The following GNAI1 variants were observed in gnomAD, a reference collection of about 807,000 sequenced individuals.
GNAI1 encodes the protein G protein subunit alpha i1, also known as guanine nucleotide-binding protein G(i) subunit alpha-1.
GNAI1 carries 11 observed loss-of-function variants against 38.9 expected under a neutral mutation model. The ratio of observed to expected loss-of-function variants is 0.28; its 90% CI spans 0.18 to 0.47. The LOEUF is 0.47. GNAI1 is among the 20% of genes least tolerant of loss of function. GNAI1 has a pLI of 0.99. For synonymous variants in GNAI1, 166 were observed against 145.1 expected (o/e 1.14, Z -1.04); for missense variants, 317 against 436.9 (o/e 0.73, Z 2.45).
intron 1 of GNAI1, among the ~76,000 whole-genome samples, chr7:80,170,946 C>G (rs1788089756): frequency 1.3e-5 from 2 of 152,126 alleles, no homozygotes. Flanking sequence ...TTTGACATCA[C>G]TAAAATCAGT....
chr7:80,177,156 G>A (rs1013086733), intron 1 of GNAI1, among the ~76,000 whole-genome samples: 33 of 145,944 alleles, frequency 2.3e-4, no homozygotes, highest in African/African-American at 6.6e-4. Flanking sequence ...TCTGCCTCCC[G>A]AGTAGCTGGG....
In GNAI1 at chr7:80,218,074, C is replaced by T. The variant is rs1433677520; in HGVS notation, c.*581C>T. The T allele has an allele frequency of 2.0e-5, 3 of 152,310 alleles. No individual in the cohort carries two copies. The highest frequency in any genetic ancestry group is 4.8e-5 in the African/African-American group (2 of 41,380). The allele number at this position is 152,310 out of a possible 1,614,324, so 9.4% of individuals were successfully genotyped here. ...GACTATTTTAATAACATGATTTGTT[C>T]TTTAAATTTTATGTGTTTTATTGAA... is the stretch of plus-strand genomic sequence containing the variant. On this transcript the variant is annotated 3_prime_UTR_variant, in exon 8 of 8. Transcript: ENST00000649796.
intron 5 of GNAI1, among the ~76,000 whole-genome samples, chr7:80,210,693 T>A (rs914699862): frequency 6.6e-6 from 1 of 151,846 alleles, no homozygotes; most frequent in Non-Finnish European, 1.5e-5. Flanking sequence ...TCATGTGTGT[T>A]AATGTCTCGT....
intron 1 of GNAI1, among the ~76,000 whole-genome samples, chr7:80,161,278 A>G (rs563755708): frequency 6.6e-6 from 1 of 152,350 alleles, no homozygotes; most frequent in South Asian, 2.1e-4. Flanking sequence ...CTGGTCAGGT[A>G]CATGAGCATC....
intron 1 of GNAI1, among the ~76,000 whole-genome samples, chr7:80,162,472 C>A (rs963545494): frequency 6.6e-6 from 1 of 152,170 alleles, no homozygotes; most frequent in Non-Finnish European, 1.5e-5. Flanking sequence ...ACTGAAGGTA[C>A]ACAGCTGTAT....
intron 1 of GNAI1, among the ~76,000 whole-genome samples, chr7:80,138,571 TATC>T (rs1486707319): frequency 6.6e-6 from 1 of 152,226 alleles, no homozygotes; most frequent in East Asian, 1.9e-4. Flanking sequence ...TGTTTTAATT[TATC>T]ATCCTTTTAA....
At chr7:80,140,501 G>T (rs1787507913) in intron 1 of GNAI1, among the ~76,000 whole-genome samples, 1 of 152,162 alleles carries the variant, frequency 6.6e-6, no homozygotes, top group Admixed American at 6.5e-5. Flanking sequence ...ATTCACACAG[G>T]AAGACCTGAG....
chr7:80,159,980 A>AC (rs1375147052), intron 1 of GNAI1, among the ~76,000 whole-genome samples: 1 of 152,084 alleles, frequency 6.6e-6, no homozygotes, highest in African/African-American at 2.4e-5. Flanking sequence ...AGTAACGTTG[A>AC]CCTCTCTGAG....
intron 3 of GNAI1, among the ~76,000 whole-genome samples, chr7:80,194,384 A>G (rs1788532869): frequency 6.6e-6 from 1 of 152,148 alleles, no homozygotes; most frequent in African/African-American, 2.4e-5. Context: ...CTCTTTGTCC[A>G]TTAATACAAA....
At chr7:80,171,707 T>G (rs1056036975) in intron 1 of GNAI1, among the ~76,000 whole-genome samples, 5 of 152,238 alleles carry the variant, frequency 3.3e-5, no homozygotes, top group African/African-American at 1.2e-4. Context: ...CCAAATTTGC[T>G]TCTGTATAAC....
At chr7:80,149,330 T>C (rs1787685310) in intron 1 of GNAI1, among the ~76,000 whole-genome samples, 1 of 152,122 alleles carries the variant, frequency 6.6e-6, no homozygotes, top group African/African-American at 2.4e-5. Context: ...ATTTTATGCA[T>C]GTATCATTGC....
rs1283318748 is a variant in GNAI1 at position 80,222,411 on chromosome 7, G to C, written c.*4918G>C. On this transcript the variant is annotated 3_prime_UTR_variant, in exon 8 of 8. Transcript: ENST00000649796. ...TTTTTTTTTTTTTTTTCCTGAGACA[G>C]AGTTTCGTTCTTGTTTCCCAGGCTG... Among the ~76,000 whole-genome samples the C allele has an allele frequency of 1.6e-5, 2 of 125,338 alleles. No individual in the cohort carries two copies. The highest frequency in any genetic ancestry group is 5.9e-5 in the African/African-American group (2 of 33,778). 82.2% of individuals were successfully genotyped at this position (125,338 alleles called of 152,430 possible).
rs940516516 is a variant in GNAI1, at chr7:80,202,726, G to A, written c.462-978G>A. On this transcript the variant is annotated intron_variant, in intron 4 of 7. Coordinates refer to ENST00000649796, the MANE Select transcript of GNAI1 (RefSeq NM_002069.6). ...TTCTAAGTTATCAGTCACCTTATAG[G>A]TCTCGTAATAAAAACACTGCGGTGA... Among the ~76,000 whole-genome samples, 4 of 152,184 alleles carry A rather than the reference G, an allele frequency of 2.6e-5. No homozygotes were observed. The East Asian group carries it at 7.7e-4, about 29-fold the overall frequency.
rs143091394 is a variant in GNAI1 at position 80,216,200 on chromosome 7, G to A, written c.875-1103G>A. ...ATACATACGTACACACACACCCTCA[G>A]CATAAGTGCGTGTTTAAAGGTTAAT... On this transcript the variant is annotated intron_variant, in intron 7 of 7. Coordinates refer to ENST00000649796, the MANE Select transcript of GNAI1 (RefSeq NM_002069.6). Among the ~76,000 whole-genome samples the A allele has an allele frequency of 3.5e-3, 521 of 150,650 alleles. 6 individuals carry two copies. The highest frequency in any genetic ancestry group is 0.012 in the African/African-American group (502 of 41,014).
chr7:80,145,391 T>C (rs1321827969), intron 1 of GNAI1, among the ~76,000 whole-genome samples: 1 of 152,208 alleles, frequency 6.6e-6, no homozygotes, highest in East Asian at 1.9e-4. Context: ...CCGTGTACTC[T>C]TCTCCTTCTG....
Position 80,224,468 on chromosome 7 carries a change from A to G in GNAI1, c.*6975A>G, listed in dbSNP as rs990980689. Among the ~76,000 whole-genome samples, 2 of 152,178 alleles carry G rather than the reference A, an allele frequency of 1.3e-5. No homozygotes were observed. Among genetic ancestry groups the G allele is most frequent in the Non-Finnish European group, 2.9e-5 (2 of 68,034 alleles). On this transcript the variant is annotated 3_prime_UTR_variant, in exon 8 of 8. Transcript: ENST00000649796. ...AAATCCAGTGTCATTTCTTAGCCAT[A>G]TCTTCAAAATCCAGTGTCATTTCTT...
At chr7:80,162,029 CCA>C (rs1367548094) in intron 1 of GNAI1, among the ~76,000 whole-genome samples, 1 of 152,070 alleles carries the variant, frequency 6.6e-6, no homozygotes, top group Non-Finnish European at 1.5e-5. Flanking sequence ...AAGCCCTAAC[CCA>C]CAGTGTGATG....
chr7:80,167,971 A>G (rs1383448086), intron 1 of GNAI1, among the ~76,000 whole-genome samples: 1 of 152,248 alleles, frequency 6.6e-6, no homozygotes, highest in Non-Finnish European at 1.5e-5. Context: ...TGTGCAGGAC[A>G]TGGAAAGTAC....
At chr7:80,169,108 T>C (rs1562830388) in intron 1 of GNAI1, among the ~76,000 whole-genome samples, 1 of 152,212 alleles carries the variant, frequency 6.6e-6, no homozygotes, top group Non-Finnish European at 1.5e-5. Context: ...AACTATGATT[T>C]TCCCCTTTAA....
Sources: allele counts gnomAD v4.1 joint callset (sites outside exome capture counted in the v4.1 genomes callset), GRCh38; gene constraint gnomAD v4.1.1; transcripts MANE v1.5; gene names NCBI Gene and HGNC (gene_info 2026-07-23, HGNC 2026-07-21).